Variants in CNTNAP2 observed in about 807,000 individuals in gnomAD.
CNTNAP2 encodes contactin associated protein 2, also known as contactin-associated protein-like 2.
Under a neutral mutation model 155.2 loss-of-function variants are expected in CNTNAP2, and 98 were observed. The ratio of observed to expected loss-of-function variants is 0.63; its 90% CI spans 0.54 to 0.75. The LOEUF is 0.75. CNTNAP2 is among the 30% of genes least tolerant of loss of function. The probability of loss-of-function intolerance (pLI) is 0.00; values close to 1 mark genes in which losing one functional copy is unlikely to be tolerated. For missense variants in CNTNAP2, 1,727 were observed against 1,688.1 expected (o/e 1.02, Z -0.40); for synonymous variants, 651 against 631.2 (o/e 1.03, Z -0.47).
chr7:146,163,839 G>A (rs575810171), intron 1 of CNTNAP2, among the ~76,000 whole-genome samples: 172 of 152,212 alleles, frequency 1.1e-3, no homozygotes, highest in African/African-American at 3.7e-3. Context: ...TTTTTATTTA[G>A]GAATGCCTTT....
At chr7:146,558,954 T>C (rs1048810913) in intron 1 of CNTNAP2, among the ~76,000 whole-genome samples, 3 of 152,210 alleles carry the variant, frequency 2.0e-5, no homozygotes, top group Non-Finnish European at 4.4e-5. Flanking sequence ...TCCTGACAAT[T>C]TCTGCAGTAT....
At chr7:148,127,840 C>T (rs1197250582) in intron 16 of CNTNAP2, among the ~76,000 whole-genome samples, 2 of 152,094 alleles carry the variant, frequency 1.3e-5, no homozygotes, top group Admixed American at 6.6e-5. Flanking sequence ...TAGTACAAAT[C>T]AGGTGTTAGC....
At position 146,337,559 on chromosome 7, in the gene CNTNAP2, T is replaced by C. The variant is rs547987449; in HGVS notation, c.97+220586T>C. On this transcript the variant is annotated intron_variant, in intron 1 of 23. Coordinates refer to ENST00000361727, the MANE Select transcript of CNTNAP2 (RefSeq NM_014141.6). ...CTGCAACCTCCTCATCCCAGGCTCA[T>C]GTGATACTCCAACCTCAGCCTCCTG... Among the ~76,000 whole-genome samples the C allele has an allele frequency of 1.2e-4, 19 of 152,302 alleles. No individual in the cohort carries two copies. In the East Asian group the frequency reaches 3.3e-3, roughly 26 times the overall value.
chr7:147,752,183 T>G (rs1797146847), intron 13 of CNTNAP2, among the ~76,000 whole-genome samples: 1 of 152,224 alleles, frequency 6.6e-6, no homozygotes, highest in South Asian at 2.1e-4. Flanking sequence ...TGACTTCCTT[T>G]TTAATTGAAC....
intron 19 of CNTNAP2, among the ~76,000 whole-genome samples, chr7:148,221,707 G>A (rs1263333499): frequency 1.3e-5 from 2 of 152,068 alleles, no homozygotes; most frequent in Non-Finnish European, 2.9e-5. Flanking sequence ...TTCACATATC[G>A]AAAGCTCTGC....
intron 15 of CNTNAP2, among the ~76,000 whole-genome samples, chr7:147,988,748 G>T (rs1801663197): frequency 6.6e-6 from 1 of 152,154 alleles, no homozygotes; most frequent in African/African-American, 2.4e-5. Context: ...TCTGCAAATT[G>T]AATCCCCGTA....
chr7:148,293,063 T>C (rs529866484), intron 21 of CNTNAP2, among the ~76,000 whole-genome samples: 5 of 127,686 alleles, frequency 3.9e-5, no homozygotes, highest in Admixed American at 3.5e-4. Flanking sequence ...GACATCGTGA[T>C]TGACAAAAAA....
At chr7:147,608,976 G>A (rs369974554) in intron 12 of CNTNAP2, among the ~76,000 whole-genome samples, 4 of 152,054 alleles carry the variant, frequency 2.6e-5, no homozygotes, top group South Asian at 2.1e-4. Context: ...TAATGGCATC[G>A]GTTAAGGCAG....
chr7:146,721,369 A>ATATATACATTC (rs879846295), intron 1 of CNTNAP2, among the ~76,000 whole-genome samples: 8 of 124,482 alleles, frequency 6.4e-5, no homozygotes, highest in East Asian at 2.6e-4. Context: ...TATACATTCT[A>ATATATACATTC]TATATACATT....
At chr7:146,600,907 T>C (rs1453138578) in intron 1 of CNTNAP2, among the ~76,000 whole-genome samples, 1 of 152,144 alleles carries the variant, frequency 6.6e-6, no homozygotes, top group East Asian at 1.9e-4. Flanking sequence ...CTGCAATATG[T>C]GAGTAATAAT....
At chr7:147,243,722 G>A (rs995489553) in intron 8 of CNTNAP2, among the ~76,000 whole-genome samples, 3 of 152,148 alleles carry the variant, frequency 2.0e-5, no homozygotes, top group African/African-American at 7.2e-5. Context: ...ACAAATCAGT[G>A]TCACCAATTT....
At chr7:146,665,800 A>AAAAAAAAAAAAC (rs1563179456) in intron 1 of CNTNAP2, among the ~76,000 whole-genome samples, 4 of 144,794 alleles carry the variant, frequency 2.8e-5, no homozygotes, top group African/African-American at 1.1e-4. Flanking sequence ...AAAAAAAAAT[A>AAAAAAAAAAAAC]CATTTTGTAA....
intron 1 of CNTNAP2, among the ~76,000 whole-genome samples, chr7:146,190,920 A>G (rs1798693848): frequency 6.6e-6 from 1 of 152,232 alleles, no homozygotes; most frequent in Admixed American, 6.5e-5. Flanking sequence ...TAGTGGTCCA[A>G]GAAGTAAATG....
At chr7:146,801,065 A>G (rs1802868568) in intron 2 of CNTNAP2, among the ~76,000 whole-genome samples, 4 of 152,212 alleles carry the variant, frequency 2.6e-5, no homozygotes, top group Admixed American at 1.3e-4. Flanking sequence ...AAAGAGATTT[A>G]TCTATACAAG....
intron 1 of CNTNAP2, among the ~76,000 whole-genome samples, chr7:146,698,800 T>G (rs1209725947): frequency 3.9e-5 from 6 of 152,178 alleles, no homozygotes; most frequent in Non-Finnish European, 8.8e-5. Context: ...GTGTAGAATG[T>G]GCTCTTCCAT....
Position 148,061,994 on chromosome 7 carries a change from GAT to G in CNTNAP2, c.2384-56122_2384-56121del, listed in dbSNP as rs1563185544. 1.1e-3 allele frequency among the ~76,000 whole-genome samples: 142 copies of G among 126,896 alleles called. 6 individuals are homozygous for G. The highest frequency in any genetic ancestry group is 5.2e-3 in the African/African-American group (134 of 25,584). The allele number at this position is 126,896 out of a possible 152,430, so 83.2% of individuals were successfully genotyped here. A position where few individuals can be genotyped will look rare whatever the true frequency, so the allele number is the denominator to read the frequency against. On this transcript the variant is annotated intron_variant, in intron 15 of 23. Transcript: ENST00000361727. ...AGATAGATAGATAGATAGATAGATA[GAT>G]AGATAGATAGATGATAGAGAGAGAG...
chr7:148,410,376 C>G (rs901674430), intron 23 of CNTNAP2, among the ~76,000 whole-genome samples: 5 of 152,012 alleles, frequency 3.3e-5, no homozygotes, highest in Non-Finnish European at 4.4e-5. Flanking sequence ...TCAAGACCAG[C>G]CTGGCCAACA....
intron 4 of CNTNAP2, among the ~76,000 whole-genome samples, chr7:147,070,911 T>C (rs985676736): frequency 6.6e-6 from 1 of 152,140 alleles, no homozygotes; most frequent in Admixed American, 6.5e-5. Context: ...AAAAGAAGCA[T>C]AATTAAAGGA....
intron 12 of CNTNAP2, among the ~76,000 whole-genome samples, chr7:147,566,907 G>T (rs1249207715): frequency 6.6e-6 from 1 of 152,150 alleles, no homozygotes; most frequent in Non-Finnish European, 1.5e-5. Context: ...GAGAGCATTT[G>T]GGGGGCAAAC....
Sources: gnomAD v4.1 joint callset for allele counts (sites outside exome capture counted in the v4.1 genomes callset) on GRCh38, gnomAD v4.1.1 for gene constraint, MANE v1.5 for transcripts, NCBI Gene and HGNC (gene_info 2026-07-23, HGNC 2026-07-21) for gene names.